UGT1A5: variants seen among roughly 807,000 people sequenced by gnomAD.
UGT1A5 encodes UDP-glucuronosyltransferase 1A5.
Under a neutral mutation model 40.3 loss-of-function variants are expected in UGT1A5, and 29 were observed. The observed-to-expected ratio is 0.72, with a 90% CI of 0.54 to 0.98. The LOEUF (loss-of-function observed/expected upper bound fraction) is 0.98. Among genes scored for constraint, UGT1A5 ranks in the 50% least tolerant of loss-of-function variants. The probability of loss-of-function intolerance (pLI) is 0.00; values close to 1 mark genes in which losing one functional copy is unlikely to be tolerated. For missense variants in UGT1A5, 678 were observed against 677.9 expected (o/e 1.00, Z 0.00); for synonymous variants, 257 against 262.5 (o/e 0.98, Z 0.20).
chr2:233,767,992 C>T, intron 3 of UGT1A5, 56 bp downstream of exon 3: 1 of 1,614,084 alleles, frequency 6.2e-7, no homozygotes, highest in South Asian at 1.1e-5. Flanking sequence ...AAGAAAATGG[C>T]TTAAGCACAG....
chr2:233,744,383 G>A (rs1055889727), intron 1 of UGT1A5, among the ~76,000 whole-genome samples: 51 of 151,842 alleles, frequency 3.4e-4, no homozygotes, highest in African/African-American at 1.2e-3. Flanking sequence ...GTTCTCCAAC[G>A]TTCCAGCCCC....
chr2:233,762,430 C>A (rs796065862), intron 1 of UGT1A5, among the ~76,000 whole-genome samples: 1 of 152,178 alleles, frequency 6.6e-6, no homozygotes, highest in African/African-American at 2.4e-5. Context: ...AATAGAGTAA[C>A]AGTGTATTCC....
chr2:233,768,590 T>G (rs1322508849), intron 4 of UGT1A5, 151 bp downstream of exon 4: 2 of 1,068,204 alleles, frequency 1.9e-6, no homozygotes, highest in Non-Finnish European at 2.4e-6. Flanking sequence ...TTCTTTTTTT[T>G]TTTTTTTTTT....
At chr2:233,733,842 C>T (rs543682196) in intron 1 of UGT1A5, among the ~76,000 whole-genome samples, 2 of 152,138 alleles carry the variant, frequency 1.3e-5, no homozygotes, top group South Asian at 4.2e-4. Context: ...GGAGGATTCC[C>T]TCTTTTTCTA....
rs773612653 is a variant in UGT1A5 at position 233,729,922 on chromosome 2, C to A, written c.867+16064C>A. 11 of 1,614,018 alleles carry A rather than the reference C, an allele frequency of 6.8e-6. No individual in the cohort carries two copies. The South Asian group carries it at 9.9e-5, about 15-fold the overall frequency. ...CCGAGGGGACTTTGTGATGGACTAC[C>A]CCAGGCCAATCATGCCCAACATGGT... On this transcript the variant is annotated intron_variant, in intron 1 of 4. Transcript: ENST00000373414.
At chr2:233,729,527 A>T in intron 1 of UGT1A5, 1 of 1,614,206 alleles carries the variant, frequency 6.2e-7, no homozygotes, top group Non-Finnish European at 8.5e-7. Context: ...CTACTACATA[A>T]TGAGGCCCTG....
rs1173929998 is a variant in UGT1A5, at chr2:233,772,412, G to A, written c.1458G>A (p.Gln486=). The change falls in exon 5 of 5, where the codon CAG becomes CAA. Residue 486 remains glutamine (Q), a synonymous_variant. Transcript: ENST00000373414. The part of the protein sequence containing the change: ...RPAAHDLTWY[Q]YHSLDVIGFL... Reference sequence around the variant, plus strand: ...CAGCCCACGACCTCACCTGGTACCAGTACCATTCCTTGGACGTGATTGGTT... The same window carrying A: ...CAGCCCACGACCTCACCTGGTACCAATACCATTCCTTGGACGTGATTGGTT... 3 of 1,614,244 alleles carry A rather than the reference G, an allele frequency of 1.9e-6. No individual in the cohort carries two copies. The highest frequency in any genetic ancestry group is 1.7e-5 in the Admixed American group (1 of 60,028).
chr2:233,725,787 A>T (rs1433226745), intron 1 of UGT1A5, among the ~76,000 whole-genome samples: 1 of 152,208 alleles, frequency 6.6e-6, no homozygotes, highest in African/African-American at 2.4e-5. Flanking sequence ...GTTATCATTA[A>T]ATAATAATCC....
rs768704616 is a variant in UGT1A5 at position 233,772,137 on chromosome 2, T to G, written c.1308-125T>G. On this transcript the variant is annotated intron_variant, in intron 4 of 4. Transcript: ENST00000373414. Reference sequence around the variant, plus strand: ...CTAAAAACAACAACAACAACAATAATAGAAACAGGTTTCCTTTCCCAAGTT... The same window carrying G: ...CTAAAAACAACAACAACAACAATAAGAGAAACAGGTTTCCTTTCCCAAGTT... 6.0e-5 allele frequency: 93 copies of G among 1,547,684 alleles called. 1 individual carries two copies. The highest frequency in any genetic ancestry group is 4.6e-4 in the Middle Eastern group (2 of 4,368).
intron 1 of UGT1A5, among the ~76,000 whole-genome samples, chr2:233,720,687 C>A (rs1440399782): frequency 1.3e-5 from 2 of 151,626 alleles, no homozygotes; most frequent in Non-Finnish European, 2.9e-5. Flanking sequence ...GTTTCTAAAT[C>A]CATTAAGGGA....
intron 1 of UGT1A5, chr2:233,760,915 G>A (rs758093591): frequency 5.6e-6 from 9 of 1,614,180 alleles, no homozygotes; most frequent in Non-Finnish European, 7.6e-6. Flanking sequence ...CCTGCAGCGG[G>A]TGAAGAACAT....
intron 1 of UGT1A5, chr2:233,747,143 T>C (rs1451311300): frequency 2.6e-6 from 4 of 1,563,162 alleles, no homozygotes; most frequent in African/African-American, 1.4e-5. Context: ...ACAAGGTAAT[T>C]AAGATGAAGA....
intron 1 of UGT1A5, among the ~76,000 whole-genome samples, chr2:233,737,818 G>C (rs554188879): frequency 2.0e-5 from 3 of 152,134 alleles, no homozygotes; most frequent in South Asian, 2.1e-4. Flanking sequence ...CAGTGGAGCA[G>C]AACAAATTGG....
rs373895890 is a variant in UGT1A5 at position 233,713,391 on chromosome 2, A to G, written c.400A>G (p.Asn134Asp). 9.0e-5 allele frequency: 146 copies of G among 1,614,152 alleles called. No homozygotes were observed. The highest frequency in any genetic ancestry group is 1.2e-4 in the Non-Finnish European group (139 of 1,180,034). ...IHRSCVELLH[N>D]EALIRHLHAT... ...TAGGTCTTGTGTGGAGCTACTGCAT[A>G]ATGAGGCCCTGATCAGGCACCTGCA... The change falls in exon 1 of 5, where the codon AAT (asparagine) becomes GAT (aspartate). Residue 134 changes from asparagine (N) to aspartate (D), a missense_variant. Physicochemically the swap from Asn to Asp is conservative, Grantham distance 23. Coordinates refer to ENST00000373414, the MANE Select transcript of UGT1A5 (RefSeq NM_019078.2).
At chr2:233,731,558 G>C (rs955136214) in intron 1 of UGT1A5, among the ~76,000 whole-genome samples, 5 of 152,170 alleles carry the variant, frequency 3.3e-5, no homozygotes, top group Non-Finnish European at 5.9e-5. Context: ...CCATGTGATA[G>C]TTTGCTGAGA....
rs768211852 is a variant in UGT1A5 at position 233,729,747 on chromosome 2, C to T, written c.867+15889C>T. 3.1e-6 allele frequency: 5 copies of T among 1,614,002 alleles called. No individual in the cohort carries two copies. The South Asian group carries it at 4.4e-5, about 14-fold the overall frequency. The stretch of plus-strand genomic sequence containing the variant: ...CAACCAATTCAGACCACATGACATT[C>T]ATGCAAAGGGTCAAGAACATGCTCT... On this transcript the variant is annotated intron_variant, in intron 1 of 4. Coordinates refer to ENST00000373414, the MANE Select transcript of UGT1A5 (RefSeq NM_019078.2).
At chr2:233,756,551 C>G (rs1440983818) in intron 1 of UGT1A5, among the ~76,000 whole-genome samples, 1 of 152,076 alleles carries the variant, frequency 6.6e-6, no homozygotes, top group East Asian at 1.9e-4. Context: ...CTAAAACAAC[C>G]AGGGAGATCC....
At chr2:233,755,966 T>C (rs1157014475) in intron 1 of UGT1A5, 5 of 152,190 alleles carry the variant, frequency 3.3e-5, no homozygotes, top group African/African-American at 7.2e-5. Context: ...CTTGGCTCTA[T>C]AGAGAGGTGG....
chr2:233,754,674 C>G (rs1158611461), intron 1 of UGT1A5: 5 of 470,208 alleles, frequency 1.1e-5, no homozygotes. Context: ...GATTTTTTTA[C>G]CATCAACTAT....
Sources: gnomAD v4.1 joint callset for allele counts (sites outside exome capture counted in the v4.1 genomes callset) on GRCh38, gnomAD v4.1.1 for gene constraint, MANE v1.5 for transcripts, NCBI Gene and HGNC (gene_info 2026-07-23, HGNC 2026-07-21) for gene names.